ANKRD40CL: variants seen among roughly 807,000 people sequenced by gnomAD.
The protein encoded by ANKRD40CL is ANKRD40 C-terminal like.
For missense variants in ANKRD40CL, 11 were observed against 6.4 expected (o/e 1.71, Z -0.77); for synonymous variants, 5 against 2.3 (o/e 2.14, Z -1.04).
At position 50,764,557 on chromosome 17, in the gene ANKRD40CL, C is replaced by G. The variant is rs913694346; in HGVS notation, c.41-1000G>C. Reference sequence around the variant, plus strand: ...ACTTAAATATTTTTGGCACAGAGTGCTTTATGTCTTCAGTTCTCTAGCAGA... The same window carrying G: ...ACTTAAATATTTTTGGCACAGAGTGGTTTATGTCTTCAGTTCTCTAGCAGA... On this transcript the variant is annotated intron_variant, in intron 2 of 3. Coordinates refer to ENST00000450727, the MANE Select transcript of ANKRD40CL (RefSeq NM_001358683.3). 1.3e-5 allele frequency: 3 copies of G among 233,720 alleles called. No individual in the cohort carries two copies. In the East Asian group the frequency reaches 2.4e-4, roughly 19 times the overall value. 14.5% of individuals were successfully genotyped at this position (233,720 alleles called of 1,614,324 possible).
chr17:50,763,284 C>A, intron 3 of ANKRD40CL, 113 bp downstream of exon 3: 1 of 398,206 alleles, frequency 2.5e-6, no homozygotes, highest in Non-Finnish European at 4.4e-6. Context: ...CATGTTTGGC[C>A]GTTTTGCAGC....
At chr17:50,765,998 G>A (rs185783085) in intron 2 of ANKRD40CL, among the ~76,000 whole-genome samples, 3 of 152,254 alleles carry the variant, frequency 2.0e-5, no homozygotes, top group Admixed American at 6.5e-5. Flanking sequence ...CCCAAGCCCA[G>A]GGCCTTTCTG....
intron 2 of ANKRD40CL, chr17:50,764,449 A>G: frequency 1.0e-5 from 4 of 387,586 alleles, no homozygotes; most frequent in Non-Finnish European, 1.4e-5. Flanking sequence ...CCAAATCATG[A>G]AAAGGAGCTG....
chr17:50,763,623 G>A, intron 2 of ANKRD40CL, 66 bp from the exon 3 acceptor site: 1 of 398,580 alleles, frequency 2.5e-6, no homozygotes, highest in Non-Finnish European at 4.4e-6. Context: ...CAAAATACCT[G>A]TCAGAGATTT....
chr17:50,765,636 A>G (rs1474564277), intron 2 of ANKRD40CL, among the ~76,000 whole-genome samples: 5 of 152,190 alleles, frequency 3.3e-5, no homozygotes, highest in Non-Finnish European at 7.3e-5. Context: ...CCCTTCTCAC[A>G]GCCGCTGCTC....
intron 3 of ANKRD40CL, among the ~76,000 whole-genome samples, chr17:50,762,025 CCTAGG>C (rs537681445): frequency 7.2e-5 from 11 of 152,138 alleles, no homozygotes; most frequent in Non-Finnish European, 1.3e-4. Flanking sequence ...GCTTCAACCT[CCTAGG>C]CTCAAGCAAT....
Position 50,761,409 on chromosome 17 carries a change from G to T in ANKRD40CL, c.299C>A (p.Thr100Lys). 1 of 398,874 alleles carries T rather than the reference G, an allele frequency of 2.5e-6. No homozygotes were observed. The highest frequency in any genetic ancestry group is 2.1e-5 in the African/African-American group (1 of 48,696). 24.7% of individuals were successfully genotyped at this position (398,874 alleles called of 1,614,324 possible). The change falls in exon 4 of 4, where the codon ACA (threonine) becomes AAA (lysine). Residue 100 changes from threonine (T) to lysine (K), a missense_variant. Thr to Lys is a moderately conservative substitution (Grantham distance 78). Transcript: ENST00000450727. ...TTTGCTATCATAGCAGGGCCTTTCTGTCAGAGATGGCACATATTCTGTCAA... is the reference window on the plus strand; with the variant it reads ...TTTGCTATCATAGCAGGGCCTTTCTTTCAGAGATGGCACATATTCTGTCAA... ...SRLTEYVPSL[T>K]ERPCYDSKAA...
chr17:50,766,901 C>G lies in ANKRD40CL; in HGVS notation c.13G>C (p.Glu5Gln), dbSNP rs543056893. ...GCTGGCTTCTCCCCGATGTCCTGTTCCGGTTCAGCCATGAGTCACCTCTAG... is the reference window on the plus strand; with the variant it reads ...GCTGGCTTCTCCCCGATGTCCTGTTGCGGTTCAGCCATGAGTCACCTCTAG... Reference protein sequence around the residue: MAEPEQDIGEKPAVR... With the variant: MAEPQQDIGEKPAVR... The change falls in exon 2 of 4, where the codon GAA becomes CAA. Residue 5 changes from glutamate (E) to glutamine (Q), a missense_variant. Transcript: ENST00000450727. 1.2e-5 allele frequency: 8 copies of G among 685,252 alleles called. No individual in the cohort carries two copies. The highest frequency in any genetic ancestry group is 2.1e-5 in the Non-Finnish European group (8 of 375,106). The allele number at this position is 685,252 out of a possible 1,614,324, so 42.4% of individuals were successfully genotyped here. A position where few individuals can be genotyped will look rare whatever the true frequency, so the allele number is the denominator to read the frequency against.
At chr17:50,767,413 T>G in intron 1 of ANKRD40CL, 50 bp downstream of exon 1, 1 of 326,040 alleles carries the variant, frequency 3.1e-6, no homozygotes, top group Non-Finnish European at 6.1e-6. Context: ...CCCAGCCCCT[T>G]CCTCAGCAGC....
At chr17:50,765,930 A>C (rs1258469675) in intron 2 of ANKRD40CL, among the ~76,000 whole-genome samples, 3 of 152,124 alleles carry the variant, frequency 2.0e-5, no homozygotes, top group African/African-American at 4.8e-5. Context: ...CACTTACAAA[A>C]CAAGTTCAGG....
intron 2 of ANKRD40CL, 158 bp downstream of exon 2, chr17:50,766,716 C>T: frequency 9.1e-6 from 5 of 550,104 alleles, no homozygotes; most frequent in South Asian, 5.6e-5. Flanking sequence ...TCTGAAAGGA[C>T]CTTTGGTCTA....
intron 2 of ANKRD40CL, chr17:50,764,562 T>G (rs1202374560): frequency 4.4e-6 from 1 of 226,354 alleles, no homozygotes; most frequent in Admixed American, 5.7e-5. Context: ...GAGTGCTTTA[T>G]GTCTTCAGTT....
At chr17:50,764,349 C>G in intron 2 of ANKRD40CL, 1 of 397,854 alleles carries the variant, frequency 2.5e-6, no homozygotes, top group Non-Finnish European at 4.4e-6. Context: ...TGCCCTGCAG[C>G]TTATCCTCCC....
At chr17:50,766,498 C>G (rs1240957786) in intron 2 of ANKRD40CL, 3 of 218,732 alleles carry the variant, frequency 1.4e-5, no homozygotes, top group African/African-American at 2.3e-5. Flanking sequence ...AGATTTGGGT[C>G]TGAATTCCTC....
At chr17:50,767,147 GAAGT>G in intron 1 of ANKRD40CL, 136 bp from the exon 2 acceptor site, 1 of 670,192 alleles carries the variant, frequency 1.5e-6, no homozygotes, top group Non-Finnish European at 2.7e-6. Context: ...GGAAGGTACT[GAAGT>G]AAGGCTCCAG....
At position 50,761,506 on chromosome 17, in the gene ANKRD40CL, C is replaced by T; in HGVS notation, c.202G>A (p.Asp68Asn). The change falls in exon 4 of 4, where the codon GAC becomes AAC. Residue 68 changes from aspartate to asparagine, a missense_variant and splice_region_variant. Asp to Asn is a conservative substitution (Grantham distance 23). Transcript: ENST00000450727. ...TCCCGCAGTCTTCGAATGTCTTTGTCCTTAATGTAGAAAAGAAATTATATT... is the reference window on the plus strand; with the variant it reads ...TCCCGCAGTCTTCGAATGTCTTTGTTCTTAATGTAGAAAAGAAATTATATT... ...RKLPNTLLRK[D>N]KDIRRLRDFQ... The T allele has an allele frequency of 7.5e-6, 3 of 398,754 alleles. No homozygotes were observed. Among genetic ancestry groups the T allele is most frequent in the Non-Finnish European group, 1.3e-5 (3 of 225,978 alleles). The allele number at this position is 398,754 out of a possible 1,614,324, so 24.7% of individuals were successfully genotyped here.
At chr17:50,765,027 T>C (rs1971272492) in intron 2 of ANKRD40CL, 1 of 150,888 alleles carries the variant, frequency 6.6e-6, no homozygotes, top group African/African-American at 2.4e-5. Flanking sequence ...CTGTGGAGAG[T>C]TCAGCATGGC....
intron 2 of ANKRD40CL, chr17:50,766,580 C>T (rs1476576093): frequency 2.7e-6 from 1 of 376,482 alleles, no homozygotes; most frequent in Non-Finnish European, 4.7e-6. Flanking sequence ...GTTAACAATC[C>T]TACCTCACCA....
intron 2 of ANKRD40CL, chr17:50,765,087 G>C (rs1371132898): frequency 6.6e-6 from 1 of 152,164 alleles, no homozygotes; most frequent in Non-Finnish European, 1.5e-5. Flanking sequence ...GCTGGCAGGG[G>C]CCAGTTAGTC....
Sources: allele counts gnomAD v4.1 joint callset (sites outside exome capture counted in the v4.1 genomes callset), GRCh38; gene constraint gnomAD v4.1.1; transcripts MANE v1.5; gene names NCBI Gene and HGNC (gene_info 2026-07-23, HGNC 2026-07-21).